Variants in SLC17A1 observed in about 807,000 individuals in gnomAD.
SLC17A1 encodes sodium-dependent phosphate transport protein 1.
SLC17A1 carries 51 observed loss-of-function variants against 53.5 expected under a neutral mutation model. The ratio of observed to expected loss-of-function variants is 0.95; its 90% CI spans 0.76 to 1.20. SLC17A1 has a LOEUF of 1.20. Among genes scored for constraint, SLC17A1 ranks in the 50% most tolerant of loss-of-function variants. The probability of loss-of-function intolerance (pLI) is 0.00; values close to 1 mark genes in which losing one functional copy is unlikely to be tolerated. For synonymous variants in SLC17A1, 179 were observed against 198.8 expected (o/e 0.90, Z 0.84); for missense variants, 538 against 568.2 (o/e 0.95, Z 0.54).
chr6:25,726,876 A>G, the SLC17A1 span: 3 of 1,580,252 alleles, frequency 1.9e-6, no homozygotes, highest in Admixed American at 1.8e-5. Context: ...CCTGGAAAAG[A>G]ACCGTGTAAC....
the SLC17A1 span, chr6:25,731,868 A>C: frequency 1.9e-6 from 3 of 1,602,984 alleles, no homozygotes; most frequent in Non-Finnish European, 2.6e-6. Context: ...CAGCAGGCGC[A>C]CGGCCGTCTG....
chr6:25,797,202 T>C (rs559815125), intron 12 of SLC17A1, among the ~76,000 whole-genome samples: 2 of 152,190 alleles, frequency 1.3e-5, no homozygotes, highest in Non-Finnish European at 2.9e-5. Flanking sequence ...ACCACACCAT[T>C]TCTCTAATTT....
At chr6:25,785,111 G>A (rs1763353039) in intron 12 of SLC17A1, among the ~76,000 whole-genome samples, 1 of 152,040 alleles carries the variant, frequency 6.6e-6, no homozygotes, top group African/African-American at 2.4e-5. Context: ...CACTTGCAAT[G>A]AGCCATCCAA....
chr6:25,744,573 T>C, the SLC17A1 span, among the ~76,000 whole-genome samples: 5 of 152,256 alleles, frequency 3.3e-5, no homozygotes, highest in South Asian at 2.1e-4. Context: ...TTTAGAAAGG[T>C]GAAAATACAG....
At chr6:25,758,479 T>C in the SLC17A1 span, among the ~76,000 whole-genome samples, 10 of 152,318 alleles carry the variant, frequency 6.6e-5, no homozygotes, top group East Asian at 1.9e-3. Flanking sequence ...CCCCATTCCT[T>C]TGCAGAGAGA....
At chr6:25,827,793 AG>A (rs1236618417) in intron 2 of SLC17A1, among the ~76,000 whole-genome samples, 2 of 152,190 alleles carry the variant, frequency 1.3e-5, no homozygotes, top group Non-Finnish European at 2.9e-5. Flanking sequence ...TGTATACACC[AG>A]GGGCTGGGAA....
At chr6:25,784,590 GC>G (rs1763339968) in intron 12 of SLC17A1, among the ~76,000 whole-genome samples, 1 of 152,108 alleles carries the variant, frequency 6.6e-6, no homozygotes, top group South Asian at 2.1e-4. Context: ...TGAGGGATCT[GC>G]CCCCATGACC....
the SLC17A1 span, among the ~76,000 whole-genome samples, chr6:25,751,280 T>C: frequency 6.6e-6 from 1 of 152,202 alleles, no homozygotes; most frequent in Admixed American, 6.5e-5. Flanking sequence ...TGGCTTTTCA[T>C]AGGAAGGGAT....
At chr6:25,830,683 T>G in intron 1 of SLC17A1, 76 bp from the exon 2 acceptor site, 1 of 942,686 alleles carries the variant, frequency 1.1e-6, no homozygotes, top group Non-Finnish European at 1.7e-6. Flanking sequence ...TACTCCTCTC[T>G]GATTTAAAAC....
At chr6:25,775,416 T>G in the SLC17A1 span, among the ~76,000 whole-genome samples, 1 of 152,030 alleles carries the variant, frequency 6.6e-6, no homozygotes. Flanking sequence ...CCAATGATAA[T>G]TCTTTCTATG....
Position 25,812,880 on chromosome 6 carries a change from A to C in SLC17A1, c.848T>G (p.Leu283Arg), listed in dbSNP as rs768289486. 6.2e-7 allele frequency: 1 copy of C among 1,612,956 alleles called. No individual in the cohort carries two copies. The highest frequency in any genetic ancestry group is 1.1e-5 in the South Asian group (1 of 91,038). Reference protein sequence around the residue: ...TFFWSHNIMTLYTPMFINSML... With the variant: ...TFFWSHNIMTRYTPMFINSML... ...GGAGTTGATAAACATTGGAGTGTAT[A>C]GTGTCATGATGTTATGTGACCAGAA... Residue 283 changes from leucine (L) to arginine (R), a missense_variant, in exon 8 of 13, where the codon CTA (leucine) becomes CGA (arginine). Physicochemically the swap from Leu to Arg is moderately radical, Grantham distance 102. Transcript: ENST00000244527.
the SLC17A1 span, among the ~76,000 whole-genome samples, chr6:25,775,183 T>C: frequency 3.6e-4 from 55 of 152,008 alleles, no homozygotes; most frequent in African/African-American, 8.2e-4. Flanking sequence ...CTACAAAAAA[T>C]TAGCCAGGTG....
the SLC17A1 span, among the ~76,000 whole-genome samples, chr6:25,764,393 G>A: frequency 6.6e-6 from 1 of 152,168 alleles, no homozygotes; most frequent in African/African-American, 2.4e-5. Context: ...AATGCCATCT[G>A]AAGGACAATT....
At chr6:25,800,368 T>A (rs1561828267) in intron 11 of SLC17A1, among the ~76,000 whole-genome samples, 1 of 152,126 alleles carries the variant, frequency 6.6e-6, no homozygotes, top group Non-Finnish European at 1.5e-5. Flanking sequence ...TCTTTTGCTT[T>A]ACTTTTTTTG....
the SLC17A1 span, chr6:25,726,111 T>A: frequency 2.0e-6 from 3 of 1,505,234 alleles, no homozygotes; most frequent in Non-Finnish European, 2.7e-6. Flanking sequence ...CAGAAGTCTT[T>A]TTACCAATGA....
chr6:25,812,655 G>A (rs1311145112), intron 8 of SLC17A1, among the ~76,000 whole-genome samples, 176 bp downstream of exon 8: 1 of 152,134 alleles, frequency 6.6e-6, no homozygotes, highest in Non-Finnish European at 1.5e-5. Flanking sequence ...CTACATCAAT[G>A]CCTTCTGTTT....
At chr6:25,777,014 CTAAAT>C in the SLC17A1 span, 1 of 1,541,638 alleles carries the variant, frequency 6.5e-7, no homozygotes, top group Non-Finnish European at 8.7e-7. Flanking sequence ...TCTAGCAGCC[CTAAAT>C]CTACTCTGAT....
chr6:25,753,502 C>T, the SLC17A1 span, among the ~76,000 whole-genome samples: 1 of 151,754 alleles, frequency 6.6e-6, no homozygotes, highest in Non-Finnish European at 1.5e-5. Flanking sequence ...AACAGTGGGG[C>T]CCGGTAAATA....
chr6:25,725,451 G>A, the SLC17A1 span, among the ~76,000 whole-genome samples: 1 of 151,926 alleles, frequency 6.6e-6, no homozygotes, highest in Non-Finnish European at 1.5e-5. Flanking sequence ...TGAGTATTTC[G>A]TGAAACTACC....
Sources: allele counts gnomAD v4.1 joint callset (sites outside exome capture counted in the v4.1 genomes callset), GRCh38; gene constraint gnomAD v4.1.1; transcripts MANE v1.5; gene names NCBI Gene and HGNC (gene_info 2026-07-23, HGNC 2026-07-21).